Variants in ATP2B2 observed in about 807,000 individuals in gnomAD.
ATP2B2 encodes the protein plasma membrane calcium-transporting ATPase 2.
ATP2B2 carries 15 observed loss-of-function variants against 120.0 expected under a neutral mutation model. The ratio of observed to expected loss-of-function variants is 0.12; its 90% CI spans 0.08 to 0.19. The LOEUF (loss-of-function observed/expected upper bound fraction) is 0.19. Ranked by LOEUF, ATP2B2 falls within the 10% of genes least tolerant of loss-of-function variation. ATP2B2 has a pLI of 1.00. For synonymous variants in ATP2B2, 694 were observed against 700.3 expected, an observed-to-expected ratio of 0.99 and a Z score of 0.14; for missense variants, 1,045 against 1,719.8, an observed-to-expected ratio of 0.61 and a Z score of 6.94.
chr3:10,455,962 T>C (rs947861824), intron 1 of ATP2B2, among the ~76,000 whole-genome samples: 35 of 152,232 alleles, frequency 2.3e-4, no homozygotes, highest in Non-Finnish European at 5.9e-5. Context: ...CAATATTGGA[T>C]TTATGCATTT....
At position 10,402,741 on chromosome 3, in the gene ATP2B2, T is replaced by C. The variant is rs1028814606; in HGVS notation, c.398-393A>G. 2.2e-4 allele frequency among the ~76,000 whole-genome samples: 34 copies of C among 152,144 alleles called. No individual in the cohort carries two copies. The highest frequency in any genetic ancestry group is 8.0e-4 in the African/African-American group (33 of 41,420). ...AAATGACTCCCTTTCTGAAACTCAT[T>C]TTTTCTCATCTGGGTAAGAATATTC... On this transcript the variant is annotated intron_variant, in intron 3 of 22. Transcript: ENST00000360273. The surrounding 1 kb of genome is among the most constrained non-coding windows in gnomAD (Gnocchi z 4.9).
chr3:10,508,387 T>G (rs924023531), upstream of ATP2B2, among the ~76,000 whole-genome samples: 3 of 152,188 alleles, frequency 2.0e-5, no homozygotes, highest in Admixed American at 1.3e-4. Context: ...CACACTGTAT[T>G]GTGATGGTCT....
chr3:10,331,591 AC>A (rs2059980186), intron 22 of ATP2B2, among the ~76,000 whole-genome samples: 1 of 147,048 alleles, frequency 6.8e-6, no homozygotes, highest in Non-Finnish European at 1.5e-5. Flanking sequence ...TTTTTGGGAC[AC>A]CCCGCCACGG....
chr3:10,581,990 C>A (rs942308570), intron 2 of ATP2B2, among the ~76,000 whole-genome samples: 1 of 152,202 alleles, frequency 6.6e-6, no homozygotes, highest in Non-Finnish European at 1.5e-5. Context: ...CCACACTGGT[C>A]GGAATTTGCT....
At chr3:10,668,675 C>T (rs991052293) in intron 1 of ATP2B2, among the ~76,000 whole-genome samples, 5 of 152,162 alleles carry the variant, frequency 3.3e-5, no homozygotes, top group African/African-American at 1.2e-4. Context: ...GCACTTCAAA[C>T]TCCCAATCCC....
chr3:10,585,471 G>A (rs1387802685), intron 2 of ATP2B2, among the ~76,000 whole-genome samples: 1 of 130,192 alleles, frequency 7.7e-6, no homozygotes, highest in Non-Finnish European at 1.5e-5. Flanking sequence ...TCCAGCCTGG[G>A]CGACAGAGCG....
intron 14 of ATP2B2, among the ~76,000 whole-genome samples, chr3:10,350,849 C>T (rs967614688): frequency 1.3e-5 from 2 of 152,348 alleles, no homozygotes; most frequent in East Asian, 1.9e-4. Flanking sequence ...TTGACCATGA[C>T]GGTCCATCCT....
chr3:10,350,620 G>C (rs780385221), intron 14 of ATP2B2, 43 bp from the exon 15 acceptor site: 8 of 1,594,358 alleles, frequency 5.0e-6, no homozygotes, highest in Non-Finnish European at 6.8e-6. Context: ...CACCACCTCA[G>C]GCAGACTCCC....
chr3:10,350,299 C>T, intron 15 of ATP2B2, 99 bp downstream of exon 15: 2 of 1,589,820 alleles, frequency 1.3e-6, no homozygotes, highest in Non-Finnish European at 8.6e-7. Context: ...GGGCTCTTAG[C>T]AGCACACTGG....
At chr3:10,599,231 C>T (rs867022907) in intron 2 of ATP2B2, among the ~76,000 whole-genome samples, 4 of 152,248 alleles carry the variant, frequency 2.6e-5, no homozygotes, top group Admixed American at 1.3e-4. Flanking sequence ...AATCTGGAGG[C>T]TGGGTGTGGG....
chr3:10,439,894 A>G (rs1166799468), intron 2 of ATP2B2, among the ~76,000 whole-genome samples: 1 of 139,874 alleles, frequency 7.1e-6, no homozygotes, highest in Non-Finnish European at 1.6e-5. Context: ...AGCTGGGATT[A>G]CAAGCGTGTA....
rs2059842418 is a variant in ATP2B2, at chr3:10,325,479, T to C, written c.*3335A>G. Reference sequence around the variant, plus strand: ...TGGTAAAGGTGGCATTTCAGCATGGTTGGGGAAAAGAGTGGCTTCCAACAA... The same window carrying C: ...TGGTAAAGGTGGCATTTCAGCATGGCTGGGGAAAAGAGTGGCTTCCAACAA... On this transcript the variant is annotated 3_prime_UTR_variant, in exon 23 of 23. Transcript: ENST00000360273. 1 of 152,102 alleles carries C rather than the reference T, an allele frequency of 6.6e-6. No homozygotes were observed. The highest frequency in any genetic ancestry group is 1.5e-5 in the Non-Finnish European group (1 of 68,036). 9.4% of individuals were successfully genotyped at this position (152,102 alleles called of 1,614,324 possible). A position where few individuals can be genotyped will look rare whatever the true frequency, so the allele number is the denominator to read the frequency against.
At position 10,407,640 on chromosome 3, in the gene ATP2B2, G is replaced by A. The variant is rs73814215; in HGVS notation, c.397+2978C>T. Among the ~76,000 whole-genome samples the A allele has an allele frequency of 8.8e-3, 1,338 of 152,312 alleles. 20 individuals are homozygous for A. Among genetic ancestry groups the A allele is most frequent in the African/African-American group, 0.03 (1,240 of 41,566 alleles). On this transcript the variant is annotated intron_variant, in intron 3 of 22. Transcript: ENST00000360273. ...AACATGGCAGGGGCTGGAGGCAAGA[G>A]TGACAGGTGCTGGGGCTTTGGAACC...
intron 1 of ATP2B2, among the ~76,000 whole-genome samples, chr3:10,686,323 C>T (rs2071522957): frequency 6.6e-6 from 1 of 152,054 alleles, no homozygotes; most frequent in Non-Finnish European, 1.5e-5. Context: ...GTATCTGTGA[C>T]AAGTGTCTCA....
intron 2 of ATP2B2, among the ~76,000 whole-genome samples, chr3:10,415,237 G>A (rs540426723): frequency 5.9e-5 from 9 of 152,340 alleles, no homozygotes; most frequent in African/African-American, 2.2e-4. Flanking sequence ...TCAACACGAT[G>A]TCTCACGTAA....
intron 1 of ATP2B2, among the ~76,000 whole-genome samples, chr3:10,675,409 A>G (rs2071216026): frequency 6.6e-6 from 1 of 152,182 alleles, no homozygotes; most frequent in Non-Finnish European, 1.5e-5. Context: ...CCACGTAGCT[A>G]TGTATATCTG....
rs1453192687 is a variant in ATP2B2 at position 10,607,024 on chromosome 3, T to C, written c.-415+12893A>G. On this transcript the variant is annotated intron_variant, in intron 2 of 21. Coordinates refer to the ATP2B2 transcript ENST00000646379. ...ACAGAGAGAGAGAGAGAGAGACTGTTCCCATCAACCTTTGTCTTAAAAACA... is the reference window on the plus strand; with the variant it reads ...ACAGAGAGAGAGAGAGAGAGACTGTCCCCATCAACCTTTGTCTTAAAAACA... Among the ~76,000 whole-genome samples, 3 of 147,780 alleles carry C rather than the reference T, an allele frequency of 2.0e-5. No homozygotes were observed. The East Asian group carries it at 6.1e-4, about 30-fold the overall frequency.
intron 1 of ATP2B2, among the ~76,000 whole-genome samples, chr3:10,684,780 C>T (rs780658391): frequency 5.3e-5 from 8 of 152,232 alleles, no homozygotes; most frequent in Non-Finnish European, 8.8e-5. Flanking sequence ...GTCACACTAG[C>T]AACAAAGTCT....
At chr3:10,540,411 T>C (rs1307798746) in intron 2 of ATP2B2, among the ~76,000 whole-genome samples, 2 of 152,056 alleles carry the variant, frequency 1.3e-5, no homozygotes, top group African/African-American at 4.8e-5. Context: ...TATAAAGACA[T>C]GTGCACACGT....
Sources: allele counts gnomAD v4.1 joint callset (sites outside exome capture counted in the v4.1 genomes callset), GRCh38; gene constraint gnomAD v4.1.1; non-coding constraint Gnocchi (gnomAD v3.1); transcripts MANE v1.5; gene names NCBI Gene and HGNC (gene_info 2026-07-23, HGNC 2026-07-21).